PBX1: variants seen among roughly 807,000 people sequenced by gnomAD.
PBX1 encodes PBX homeobox 1, also known as pre-B-cell leukemia transcription factor 1.
A neutral mutation model predicts 53.4 loss-of-function variants in PBX1; 6 were observed. The ratio of observed to expected loss-of-function variants is 0.11; its 90% CI spans 0.06 to 0.22. The LOEUF is 0.22. Ranked by LOEUF, PBX1 falls within the 10% of genes least tolerant of loss-of-function variation. The pLI is 1.00. For synonymous variants in PBX1, 204 were observed against 212.3 expected, an observed-to-expected ratio of 0.96 and a Z score of 0.34; for missense variants, 251 against 551.4, an observed-to-expected ratio of 0.46 and a Z score of 5.46.
Position 164,849,136 on chromosome 1 carries a change from AAG to A in PBX1, c.*2466_*2467del, listed in dbSNP as rs1171505815. 2 of 1,382,916 alleles carry A rather than the reference AAG, an allele frequency of 1.4e-6. No individual in the cohort carries two copies. Among genetic ancestry groups the A allele is most frequent in the Non-Finnish European group, 1.9e-6 (2 of 1,068,558 alleles). 85.7% of individuals were successfully genotyped at this position (1,382,916 alleles called of 1,614,324 possible). A position where few individuals can be genotyped will look rare whatever the true frequency, so the allele number is the denominator to read the frequency against. On this transcript the variant is annotated 3_prime_UTR_variant, in exon 9 of 9. Coordinates refer to ENST00000420696, the MANE Select transcript of PBX1 (RefSeq NM_002585.4). The stretch of plus-strand genomic sequence containing the variant: ...TTGCTTGACTTAGGGCAAAGTACGA[AAG>A]AGAGACAAAAGGGTTCTCTTGGAAA...
chr1:164,852,882 A>G (rs1671890267), downstream of PBX1, among the ~76,000 whole-genome samples: 1 of 152,182 alleles, frequency 6.6e-6, no homozygotes, highest in African/African-American at 2.4e-5. Flanking sequence ...TAAACATTGG[A>G]ATATACTTAC....
rs546906882 is a variant in PBX1, at chr1:164,574,222, G to C, written c.265+10911G>C. Among the ~76,000 whole-genome samples, 3 of 152,296 alleles carry C rather than the reference G, an allele frequency of 2.0e-5. 1 individual carries two copies. Among genetic ancestry groups the C allele is most frequent in the African/African-American group, 7.2e-5 (3 of 41,566 alleles). ...TCTTAAGTGTTCCCTAGAATAGACT[G>C]AGTGGGCCGAAGCAGTTCCTTGTTT... On this transcript the variant is annotated intron_variant, in intron 2 of 8. Coordinates refer to ENST00000420696, the MANE Select transcript of PBX1 (RefSeq NM_002585.4).
chr1:164,621,275 C>T (rs1052171416), intron 2 of PBX1, among the ~76,000 whole-genome samples: 3 of 152,262 alleles, frequency 2.0e-5, no homozygotes, highest in Non-Finnish European at 2.9e-5. Context: ...GCATGAGCCA[C>T]CGCGCCCTTC....
At chr1:164,587,982 C>T (rs1655068917) in intron 2 of PBX1, among the ~76,000 whole-genome samples, 1 of 152,242 alleles carries the variant, frequency 6.6e-6, no homozygotes, top group African/African-American at 2.4e-5. Context: ...GCCTTGTCAC[C>T]TCTCATCTTC....
intron 1 of PBX1, among the ~76,000 whole-genome samples, chr1:164,561,187 C>T (rs150175483): frequency 1.2e-3 from 186 of 152,252 alleles, no homozygotes; most frequent in Middle Eastern, 6.8e-3. Flanking sequence ...AACAAATATA[C>T]GCAACTCCTA....
chr1:164,881,562 TGA>T (rs759009258), intron 2 of PBX1, among the ~76,000 whole-genome samples: 123 of 46,290 alleles, frequency 2.7e-3, no homozygotes, highest in Non-Finnish European at 2.3e-3. Context: ...GTAGCGGTGG[TGA>T]GAGAGAGAGA....
At chr1:164,782,509 C>T (rs1469026955) in intron 2 of PBX1, among the ~76,000 whole-genome samples, 3 of 152,164 alleles carry the variant, frequency 2.0e-5, no homozygotes, top group Admixed American at 6.5e-5. Flanking sequence ...AAATGATCGA[C>T]GAATTCTGTA....
At position 164,719,024 on chromosome 1, in the gene PBX1, T is replaced by TA. The variant is rs146035524; in HGVS notation, c.266-73460dup. On this transcript the variant is annotated intron_variant, in intron 2 of 8. Coordinates refer to ENST00000420696, the MANE Select transcript of PBX1 (RefSeq NM_002585.4). ...GGCCAAATGACAACTTTTGGCTGATTAAAAAAAAAAGTGTTTCAGAATTCT... is the reference window on the plus strand; with the variant it reads ...GGCCAAATGACAACTTTTGGCTGATTAAAAAAAAAAAGTGTTTCAGAATTCT... Among the ~76,000 whole-genome samples the TA allele has an allele frequency of 6.7e-5, 10 of 148,874 alleles. No homozygotes were observed. In the South Asian group the frequency reaches 1.1e-3, roughly 16 times the overall value.
intron 8 of PBX1, among the ~76,000 whole-genome samples, chr1:164,843,184 T>C: frequency 6.6e-6 from 1 of 152,162 alleles, no homozygotes; most frequent in East Asian, 1.9e-4. Flanking sequence ...TTGCTTGCAG[T>C]TTCTATCTTA....
chr1:164,863,048 C>T (rs1035601721), intron 2 of PBX1, among the ~76,000 whole-genome samples: 2 of 152,142 alleles, frequency 1.3e-5, no homozygotes, highest in African/African-American at 4.8e-5. Flanking sequence ...GAGCATTTGA[C>T]ATTTGTTATT....
At chr1:164,642,463 A>G (rs1218217961) in intron 2 of PBX1, among the ~76,000 whole-genome samples, 2 of 152,188 alleles carry the variant, frequency 1.3e-5, no homozygotes, top group East Asian at 1.9e-4. Flanking sequence ...CTATGTCTCA[A>G]TGGTTGATTA....
chr1:164,615,301 A>C lies in PBX1; in HGVS notation c.265+51990A>C, dbSNP rs147903669. On this transcript the variant is annotated intron_variant, in intron 2 of 8. Coordinates refer to ENST00000420696, the MANE Select transcript of PBX1 (RefSeq NM_002585.4). ...TGTTGACCAGTTTATTTCCATTTCT[A>C]CTTGTTGAAATAACCTTTCAAATAA... 6.5e-3 allele frequency among the ~76,000 whole-genome samples: 991 copies of C among 152,220 alleles called. 6 individuals carry two copies. The highest frequency in any genetic ancestry group is 0.02 in the African/African-American group (850 of 41,538).
chr1:164,832,521 A>G (rs888668017), intron 8 of PBX1, among the ~76,000 whole-genome samples: 1 of 152,242 alleles, frequency 6.6e-6, no homozygotes, highest in Non-Finnish European at 1.5e-5. Context: ...GGTACTCATT[A>G]TAACAGAAGG....
At chr1:164,562,114 A>G (rs932349166) in intron 1 of PBX1, among the ~76,000 whole-genome samples, 1 of 152,086 alleles carries the variant, frequency 6.6e-6, no homozygotes, top group Admixed American at 6.5e-5. Context: ...AACCATTAAT[A>G]TTTTAGATAT....
intron 2 of PBX1, among the ~76,000 whole-genome samples, chr1:164,732,131 G>A (rs1665024549): frequency 6.6e-6 from 1 of 152,172 alleles, no homozygotes; most frequent in African/African-American, 2.4e-5. Flanking sequence ...TACACTGTTG[G>A]CTTTGTGAGC....
intron 2 of PBX1, among the ~76,000 whole-genome samples, chr1:164,591,609 G>A (rs1283811644): frequency 2.0e-5 from 3 of 152,214 alleles, no homozygotes; most frequent in African/African-American, 7.2e-5. Flanking sequence ...TTAAAAGTAT[G>A]TCTGTCATGG....
chr1:164,820,482 C>T (rs1290917500), intron 7 of PBX1, among the ~76,000 whole-genome samples: 1 of 152,090 alleles, frequency 6.6e-6, no homozygotes, highest in Non-Finnish European at 1.5e-5. Flanking sequence ...TCTTTATTCA[C>T]CAAAGGGAAA....
downstream of PBX1, among the ~76,000 whole-genome samples, chr1:164,853,864 A>G (rs1671917177): frequency 6.6e-6 from 1 of 152,082 alleles, no homozygotes; most frequent in African/African-American, 2.4e-5. Flanking sequence ...CCCAAACCAT[A>G]GATTTGTACA....
At chr1:164,686,988 CAA>C in intron 2 of PBX1, among the ~76,000 whole-genome samples, 1 of 151,336 alleles carries the variant, frequency 6.6e-6, no homozygotes, top group South Asian at 2.1e-4. Context: ...AAAACAAAAA[CAA>C]AACCAAATGA....
Sources: gnomAD v4.1 joint callset for allele counts (sites outside exome capture counted in the v4.1 genomes callset) on GRCh38, gnomAD v4.1.1 for gene constraint, MANE v1.5 for transcripts, NCBI Gene and HGNC (gene_info 2026-07-23, HGNC 2026-07-21) for gene names.